SPATA13: variants seen among roughly 807,000 people sequenced by gnomAD.
SPATA13 encodes the protein spermatogenesis-associated protein 13.
In SPATA13, 50 loss-of-function variants were observed where a neutral mutation model predicts 104.0. That is an observed-to-expected ratio of 0.48 (90% CI 0.38 to 0.61). SPATA13 has a LOEUF of 0.61. SPATA13 is among the 20% of genes least tolerant of loss of function. The pLI, the probability that SPATA13 is intolerant of heterozygous loss-of-function variation, is 0.00. For synonymous variants in SPATA13, 606 were observed against 667.5 expected, an observed-to-expected ratio of 0.91 and a Z score of 1.42; for missense variants, 1,524 against 1,690.6, an observed-to-expected ratio of 0.90 and a Z score of 1.73.
intron 3 of SPATA13, among the ~76,000 whole-genome samples, chr13:24,092,827 T>C: frequency 6.6e-6 from 1 of 152,216 alleles, no homozygotes; most frequent in East Asian, 1.9e-4. Context: ...TTATACTCCA[T>C]AGACTCCACT....
chr13:24,195,968 A>C, intron 1 of SPATA13, among the ~76,000 whole-genome samples: 1 of 152,200 alleles, frequency 6.6e-6, no homozygotes, highest in Non-Finnish European at 1.5e-5. Flanking sequence ...GAAAAAATTA[A>C]AAATTTAAGC....
chr13:24,291,416 G>A (rs1386352494), intron 9 of SPATA13, among the ~76,000 whole-genome samples: 9 of 152,236 alleles, frequency 5.9e-5, no homozygotes, highest in Non-Finnish European at 1.2e-4. Context: ...TAGAAGGGGT[G>A]AGGGCACACA....
chr13:23,993,050 G>A (rs1417347089), intron 2 of SPATA13, among the ~76,000 whole-genome samples: 3 of 152,236 alleles, frequency 2.0e-5, no homozygotes, highest in Non-Finnish European at 2.9e-5. Context: ...GGTCCAGGCT[G>A]CTGTGCTTTC....
intron 3 of SPATA13, among the ~76,000 whole-genome samples, chr13:24,103,436 G>A (rs1880320272): frequency 7.9e-6 from 1 of 127,196 alleles, no homozygotes; most frequent in Admixed American, 9.9e-5. Flanking sequence ...ACTGAGCTGT[G>A]ATTACACCAC....
At chr13:24,278,053 C>T (rs1875148955) in intron 4 of SPATA13, among the ~76,000 whole-genome samples, 1 of 152,132 alleles carries the variant, frequency 6.6e-6, no homozygotes, top group Admixed American at 6.5e-5. Flanking sequence ...CCTTGACAGG[C>T]CCCACTGGGA....
chr13:24,267,393 A>G (rs1034975315), intron 4 of SPATA13, among the ~76,000 whole-genome samples: 2 of 152,168 alleles, frequency 1.3e-5, no homozygotes, highest in Admixed American at 6.5e-5. Flanking sequence ...TGCCTACACA[A>G]TAATCTCTAG....
intron 3 of SPATA13, among the ~76,000 whole-genome samples, chr13:24,037,761 A>C (rs1877756158): frequency 6.6e-6 from 1 of 151,670 alleles, no homozygotes; most frequent in Non-Finnish European, 1.5e-5. Context: ...AATTGATCGG[A>C]GTTTCTTAAT....
intron 2 of SPATA13, among the ~76,000 whole-genome samples, chr13:24,236,155 G>T (rs1872551901): frequency 6.6e-6 from 1 of 152,176 alleles, no homozygotes; most frequent in Non-Finnish European, 1.5e-5. Context: ...TTGCAGACAT[G>T]CTCACCATTT....
At chr13:24,038,183 GA>G in intron 3 of SPATA13, among the ~76,000 whole-genome samples, 1 of 152,320 alleles carries the variant, frequency 6.6e-6, no homozygotes, top group South Asian at 2.1e-4. Context: ...AAAGTGCTGG[GA>G]TTACAGGCAT....
rs779065986 is a variant in SPATA13 at position 24,300,443 on chromosome 13, A to AT, written c.3627dup (p.Ala1210CysfsTer108). 3.1e-6 allele frequency: 5 copies of AT among 1,614,164 alleles called. No individual in the cohort carries two copies. The highest frequency in any genetic ancestry group is 4.2e-6 in the Non-Finnish European group (5 of 1,180,018). On this transcript the variant is annotated frameshift_variant, in exon 12 of 13. Transcript: ENST00000382108. LOFTEE classifies it high-confidence loss of function. ...AACCAGAAGAAACTTGCCATGTTAAATGCTCAAAAGGCAGGACATGGAAAG... is the reference window on the plus strand; with the variant it reads ...AACCAGAAGAAACTTGCCATGTTAAATTGCTCAAAAGGCAGGACATGGAAAG...
chr13:24,185,039 G>C (rs962106436), intron 1 of SPATA13, among the ~76,000 whole-genome samples: 6 of 152,172 alleles, frequency 3.9e-5, no homozygotes, highest in African/African-American at 1.4e-4. Context: ...CGTGTATCGA[G>C]CATTGTGTTT....
chr13:24,141,311 A>G (rs951359838), intron 3 of SPATA13, among the ~76,000 whole-genome samples: 2 of 152,198 alleles, frequency 1.3e-5, no homozygotes, highest in African/African-American at 4.8e-5. Context: ...TGAGACCCAG[A>G]TAATTAATTA....
chr13:24,270,840 C>T (rs781325132), intron 4 of SPATA13: 34 of 1,612,676 alleles, frequency 2.1e-5, no homozygotes, highest in Middle Eastern at 1.6e-4. Context: ...TGAAGGTTGC[C>T]GTTTTCCAAA....
chr13:24,058,439 A>G (rs968083514), intron 3 of SPATA13, among the ~76,000 whole-genome samples: 49 of 151,842 alleles, frequency 3.2e-4, no homozygotes, highest in African/African-American at 1.1e-3. Flanking sequence ...AAAATGGAAA[A>G]GCTTTAGAGT....
At chr13:24,042,398 T>C (rs9507225) in intron 3 of SPATA13, among the ~76,000 whole-genome samples, 73,055 of 151,994 alleles carry the variant, frequency 0.48, 19,358 homozygotes, top group East Asian at 0.64. Context: ...GAAAGATCCA[T>C]AGGCCGCTTT....
intron 1 of SPATA13, among the ~76,000 whole-genome samples, chr13:24,179,538 T>G (rs562970617): frequency 2.6e-5 from 4 of 152,358 alleles, no homozygotes; most frequent in Admixed American, 2.0e-4. Flanking sequence ...TTCATTGTTA[T>G]GCAACCAATC....
In SPATA13 at chr13:24,189,817, A is replaced by G. The variant is rs1263322582; in HGVS notation, c.-112+28885A>G. On this transcript the variant is annotated intron_variant, in intron 1 of 12. Transcript: ENST00000382108. The stretch of plus-strand genomic sequence containing the variant: ...TAAATATATATTTATATAATATATT[A>G]TAAATATATATAAAATGATATTTAA... Among the ~76,000 whole-genome samples the G allele has an allele frequency of 3.5e-3, 203 of 57,860 alleles. 3 individuals carry two copies. The highest frequency in any genetic ancestry group is 5.5e-3 in the Non-Finnish European group (177 of 31,942). 38.0% of individuals were successfully genotyped at this position (57,860 alleles called of 152,430 possible).
rs1485631801 is a variant in SPATA13, at chr13:24,302,758, C to T, written c.3819C>T (p.Thr1273=). ...SLFWHTFNRL[T]PFRK is the part of the protein sequence containing the mutation. ...TCTGGCACACCTTCAACAGGCTCAC[C>T]CCCTTCCGGAAATGAAAACAGGAGG... Residue 1273 remains threonine (T), a synonymous_variant, in exon 13 of 13, where the codon ACC becomes ACT. Transcript: ENST00000382108. 3 of 1,614,046 alleles carry T rather than the reference C, an allele frequency of 1.9e-6. No individual in the cohort carries two copies. In the African/African-American group the frequency reaches 4.0e-5, roughly 22 times the overall value.
At chr13:24,285,809 T>G (rs554928546) in intron 5 of SPATA13, among the ~76,000 whole-genome samples, 1 of 151,646 alleles carries the variant, frequency 6.6e-6, no homozygotes, top group East Asian at 1.9e-4. Context: ...GCCTCCCGAG[T>G]AGCTGGGATT....
Sources: allele counts gnomAD v4.1 joint callset (sites outside exome capture counted in the v4.1 genomes callset), GRCh38; gene constraint gnomAD v4.1.1; transcripts MANE v1.5; gene names NCBI Gene and HGNC (gene_info 2026-07-23, HGNC 2026-07-21).